Variants in FAM91A1 observed in about 807,000 individuals in gnomAD.
FAM91A1 encodes protein FAM91A1.
Under a neutral mutation model 113.5 loss-of-function variants are expected in FAM91A1, and 41 were observed. The ratio of observed to expected loss-of-function variants is 0.36; its 90% CI spans 0.28 to 0.47. The LOEUF (loss-of-function observed/expected upper bound fraction) is 0.47. FAM91A1 is among the 20% of genes least tolerant of loss of function. The pLI is 1.00. For missense variants in FAM91A1, 696 were observed against 1,001.2 expected (o/e 0.70, Z 4.11); for synonymous variants, 307 against 347.9 (o/e 0.88, Z 1.31).
At chr8:123,790,792 G>T (rs1299204334) in intron 15 of FAM91A1, among the ~76,000 whole-genome samples, 1 of 152,146 alleles carries the variant, frequency 6.6e-6, no homozygotes, top group Non-Finnish European at 1.5e-5. Context: ...GCCTTAATAT[G>T]CCTTATCTGA....
At position 123,780,496 on chromosome 8, in the gene FAM91A1, A is replaced by G; in HGVS notation, c.657A>G (p.Gly219=). Residue 219 remains glycine, a synonymous_variant, in exon 8 of 24, where the codon GGA becomes GGG. Transcript: ENST00000334705. ...YNVVHSLYNK[G]FIYLDVPISD... ...TTTCTTCAGGTTTGTATAACAAAGGATTTATTTATCTGGATGTACCAATAT... is the reference window on the plus strand; with the variant it reads ...TTTCTTCAGGTTTGTATAACAAAGGGTTTATTTATCTGGATGTACCAATAT... The G allele has an allele frequency of 6.2e-7, 1 of 1,611,802 alleles. No individual in the cohort carries two copies. The highest frequency in any genetic ancestry group is 8.5e-7 in the Non-Finnish European group (1 of 1,179,100).
rs1457830443 is a variant in FAM91A1, at chr8:123,768,501, C to G, written c.-202C>G. 8.1e-6 allele frequency: 4 copies of G among 495,886 alleles called. No homozygotes were observed. The highest frequency in any genetic ancestry group is 4.1e-5 in the Admixed American group (1 of 24,618). The allele number at this position is 495,886 out of a possible 1,614,324, so 30.7% of individuals were successfully genotyped here. ...TGGAGCTGTTCAGGCGATCCAGCCT[C>G]CAATCGCTGCTGCTCTTGTACTCGG... is the stretch of plus-strand genomic sequence containing the variant. On this transcript the variant is annotated 5_prime_UTR_variant, in exon 1 of 24. Coordinates refer to ENST00000334705, the MANE Select transcript of FAM91A1 (RefSeq NM_144963.4).
chr8:123,810,645 A>G (rs1327373016), intron 23 of FAM91A1: 4 of 438,006 alleles, frequency 9.1e-6, no homozygotes, highest in South Asian at 2.9e-5. Flanking sequence ...TTTTGGTTAT[A>G]GCGCACTTCC....
chr8:123,775,110 C>T, intron 2 of FAM91A1, 37 bp from the exon 3 acceptor site: 1 of 1,527,774 alleles, frequency 6.5e-7, no homozygotes, highest in Non-Finnish European at 8.8e-7. Flanking sequence ...CTATAAGAAA[C>T]CTGAAAAAAA....
chr8:123,778,014 CTT>C lies in FAM91A1; in HGVS notation c.368-5_368-4del. The C allele has an allele frequency of 6.2e-7, 1 of 1,608,960 alleles. No individual in the cohort carries two copies. The highest frequency in any genetic ancestry group is 8.5e-7 in the Non-Finnish European group (1 of 1,176,640). On this transcript the variant is annotated splice_polypyrimidine_tract_variant and intron_variant, in intron 4 of 23. Coordinates refer to ENST00000334705, the MANE Select transcript of FAM91A1 (RefSeq NM_144963.4). The stretch of plus-strand genomic sequence containing the variant: ...GTTAAATGTTTTTAAAGGAAAGACT[CTT>C]TTTTTCAGGTCTAAGGCTTCTTGGC...
chr8:123,783,037 G>A (rs536674690), intron 8 of FAM91A1, among the ~76,000 whole-genome samples: 97 of 152,214 alleles, frequency 6.4e-4, no homozygotes, highest in African/African-American at 2.2e-3. Flanking sequence ...TTAGTCATGC[G>A]TGTTGGCATG....
At chr8:123,797,039 G>C (rs907915702) in intron 15 of FAM91A1, among the ~76,000 whole-genome samples, 1 of 151,692 alleles carries the variant, frequency 6.6e-6, no homozygotes, top group Non-Finnish European at 1.5e-5. Context: ...CCAGCCTGTC[G>C]ACAGAGTGAG....
At chr8:123,793,996 A>G (rs568835998) in intron 15 of FAM91A1, among the ~76,000 whole-genome samples, 10 of 152,354 alleles carry the variant, frequency 6.6e-5, no homozygotes, top group African/African-American at 2.2e-4. Context: ...CCAGAAATCT[A>G]GGGTACACAT....
Position 123,784,559 on chromosome 8 carries a change from C to T in FAM91A1, c.793C>T (p.His265Tyr). The part of the protein sequence containing the change: ...LYKIFVSIDE[H>Y]TNVAELANVL... ...TAAGATATTTGTTTCAATAGATGAGCACACAAATGTTGCAGAGGTAAGTTT... is the reference window on the plus strand; with the variant it reads ...TAAGATATTTGTTTCAATAGATGAGTACACAAATGTTGCAGAGGTAAGTTT... The change falls in exon 9 of 24, where the codon CAC becomes TAC. Residue 265 changes from histidine (H) to tyrosine (Y), a missense_variant. His to Tyr is a moderately conservative substitution (Grantham distance 83). Coordinates refer to ENST00000334705, the MANE Select transcript of FAM91A1 (RefSeq NM_144963.4). 6.2e-7 allele frequency: 1 copy of T among 1,602,796 alleles called. No homozygotes were observed. Among genetic ancestry groups the T allele is most frequent in the Non-Finnish European group, 8.5e-7 (1 of 1,175,814 alleles).
intron 1 of FAM91A1, among the ~76,000 whole-genome samples, chr8:123,772,314 CTTGT>C (rs1201682361): frequency 2.0e-5 from 3 of 152,120 alleles, no homozygotes; most frequent in South Asian, 4.1e-4. Context: ...AAATTGTGTG[CTTGT>C]TTGAGTATGC....
chr8:123,772,619 C>G (rs376593335), intron 1 of FAM91A1, among the ~76,000 whole-genome samples: 1 of 152,136 alleles, frequency 6.6e-6, no homozygotes, highest in South Asian at 2.1e-4. Context: ...AAAGCTCACC[C>G]TTGAACAACA....
intron 5 of FAM91A1, 136 bp from the exon 6 acceptor site, chr8:123,778,523 T>C (rs556626100): frequency 1.7e-6 from 1 of 603,606 alleles, no homozygotes; most frequent in African/African-American, 1.9e-5. Flanking sequence ...ATATCTAGAA[T>C]TGTTAAGATT....
Position 123,775,143 on chromosome 8 carries a change from G to A in FAM91A1, c.158-4G>A. ...AAACTGGAGAATTTCCCTCTTTTGTGCAGTTAAACATGTCAAGAAAGATGA... is the reference window on the plus strand; with the variant it reads ...AAACTGGAGAATTTCCCTCTTTTGTACAGTTAAACATGTCAAGAAAGATGA... On this transcript the variant is annotated splice_region_variant and splice_polypyrimidine_tract_variant and intron_variant, in intron 2 of 23. Transcript: ENST00000334705. 6.3e-7 allele frequency: 1 copy of A among 1,584,718 alleles called. No homozygotes were observed. Among genetic ancestry groups the A allele is most frequent in the Non-Finnish European group, 8.6e-7 (1 of 1,164,580 alleles).
intron 15 of FAM91A1, among the ~76,000 whole-genome samples, chr8:123,795,752 T>C (rs2130120135): frequency 6.6e-6 from 1 of 152,296 alleles, no homozygotes; most frequent in African/African-American, 2.4e-5. Context: ...TGTCCTATTC[T>C]GGAAAAAAAT....
chr8:123,790,415 A>G (rs1451424217), intron 15 of FAM91A1, among the ~76,000 whole-genome samples: 4 of 152,120 alleles, frequency 2.6e-5, no homozygotes, highest in Non-Finnish European at 5.9e-5. Context: ...GTGTTTTTTA[A>G]AAGATGATTC....
rs531015326 is a variant in FAM91A1 at position 123,812,603 on chromosome 8, C to T, written c.2416C>T (p.Pro806Ser). ...GTCATCGTGTGCTGACATGGGTGTT[C>T]CACTTCCTGCAAAAAACTTAATATT... ...SQSSCADMGV[P>S]LPAKNLIFKD... Residue 806 changes from proline (P) to serine (S), a missense_variant, in exon 24 of 24, where the codon CCA becomes TCA. Pro to Ser is a moderately conservative substitution (Grantham distance 74). Coordinates refer to ENST00000334705, the MANE Select transcript of FAM91A1 (RefSeq NM_144963.4). The T allele has an allele frequency of 7.4e-6, 12 of 1,611,582 alleles. No homozygotes were observed. The African/African-American group carries it at 1.6e-4, about 22-fold the overall frequency.
In FAM91A1 at chr8:123,812,584, G is replaced by A. The variant is rs528803411; in HGVS notation, c.2397G>A (p.Ser799=). 21 of 1,608,980 alleles carry A rather than the reference G, an allele frequency of 1.3e-5. No individual in the cohort carries two copies. Among genetic ancestry groups the A allele is most frequent in the Middle Eastern group, 1.7e-4 (1 of 6,014 alleles). Residue 799 remains serine, a synonymous_variant, in exon 24 of 24, where the codon TCG becomes TCA. Transcript: ENST00000334705. ...PSFSSLLSQS[S]CADMGVPLPA... ...TTTCAAGTTTGCTTTCACAGTCATC[G>A]TGTGCTGACATGGGTGTTCCACTTC...
At chr8:123,809,189 T>C (rs909930219) in intron 22 of FAM91A1, among the ~76,000 whole-genome samples, 173 bp downstream of exon 22, 6 of 152,194 alleles carry the variant, frequency 3.9e-5, no homozygotes, top group African/African-American at 1.4e-4. Context: ...CAAAATTAAA[T>C]TTCACTAGAT....
intron 15 of FAM91A1, among the ~76,000 whole-genome samples, chr8:123,795,072 G>T (rs1815479609): frequency 6.6e-6 from 1 of 152,158 alleles, no homozygotes; most frequent in Admixed American, 6.5e-5. Context: ...ACTCTAATAT[G>T]ATTTGAGAAA....
Sources: gnomAD v4.1 joint callset for allele counts (sites outside exome capture counted in the v4.1 genomes callset) on GRCh38, gnomAD v4.1.1 for gene constraint, MANE v1.5 for transcripts, NCBI Gene and HGNC (gene_info 2026-07-23, HGNC 2026-07-21) for gene names.